Variants in TTC33 observed in about 807,000 individuals in gnomAD.
TTC33 encodes tetratricopeptide repeat domain 33.
In TTC33, 24 loss-of-function variants were observed where a neutral mutation model predicts 29.4. The observed-to-expected ratio is 0.82, with a 90% CI of 0.59 to 1.15. The LOEUF (loss-of-function observed/expected upper bound fraction) is 1.15, where lower values mean the gene tolerates loss of function less well. Among genes scored for constraint, TTC33 ranks in the 50% most tolerant of loss-of-function variants. The pLI, the probability that TTC33 is intolerant of heterozygous loss-of-function variation, is 0.00. For missense variants in TTC33, 286 were observed against 310.4 expected (o/e 0.92, Z 0.59); for synonymous variants, 107 against 100.3 (o/e 1.07, Z -0.40).
intron 4 of TTC33, among the ~76,000 whole-genome samples, chr5:40,722,739 AGCCCCTGCCCGGCCAGAC>A (rs1742172808): frequency 1.3e-5 from 2 of 149,744 alleles, no homozygotes; most frequent in Non-Finnish European, 3.0e-5. Context: ...GTGGCGGGGC[AGCCCCTGCCCGGCCAGAC>A]GCCCCGTCCC....
intron 1 of TTC33, among the ~76,000 whole-genome samples, chr5:40,750,848 ACTC>A (rs761497953): frequency 3.3e-5 from 5 of 152,112 alleles, no homozygotes; most frequent in Non-Finnish European, 7.4e-5. Context: ...CTAAGAAGCA[ACTC>A]CTCATCCTTT....
At chr5:40,728,036 C>G (rs553582042) in intron 4 of TTC33, among the ~76,000 whole-genome samples, 1 of 152,036 alleles carries the variant, frequency 6.6e-6, no homozygotes, top group South Asian at 2.1e-4. Flanking sequence ...AATCCCAGCA[C>G]TTTGGGAGGC....
chr5:40,714,780 T>G lies in TTC33; in HGVS notation c.*1365A>C, dbSNP rs1741966142. The G allele has an allele frequency of 6.6e-6, 1 of 152,208 alleles. No individual in the cohort carries two copies. Among genetic ancestry groups the G allele is most frequent in the South Asian group, 2.1e-4 (1 of 4,830 alleles). 9.4% of individuals were successfully genotyped at this position (152,208 alleles called of 1,614,324 possible). A position where few individuals can be genotyped will look rare whatever the true frequency, so the allele number is the denominator to read the frequency against. ...TAAAACAAAAGTTTTAAAAACCATC[T>G]TCATAAAAAATGTAGATCATTACTT... is the stretch of plus-strand genomic sequence containing the variant. On this transcript the variant is annotated 3_prime_UTR_variant, in exon 5 of 5. Transcript: ENST00000337702.
At chr5:40,717,262 A>C (rs748795136) in intron 4 of TTC33, among the ~76,000 whole-genome samples, 4 of 150,620 alleles carry the variant, frequency 2.7e-5, no homozygotes, top group Non-Finnish European at 4.4e-5. Flanking sequence ...TACATGTATT[A>C]ACTCATCTAT....
chr5:40,747,132 C>A, intron 1 of TTC33, 113 bp from the exon 2 acceptor site: 1 of 890,552 alleles, frequency 1.1e-6, no homozygotes, highest in Non-Finnish European at 1.7e-6. Flanking sequence ...GACCTCGGCT[C>A]ACCGTAACCT....
chr5:40,733,725 G>C (rs1742486446), intron 2 of TTC33, among the ~76,000 whole-genome samples: 2 of 152,138 alleles, frequency 1.3e-5, no homozygotes, highest in South Asian at 4.1e-4. Flanking sequence ...AATACCACTA[G>C]CACTACTGCT....
chr5:40,731,374 A>G (rs1742423843), intron 2 of TTC33, among the ~76,000 whole-genome samples: 1 of 152,040 alleles, frequency 6.6e-6, no homozygotes, highest in Admixed American at 6.6e-5. Flanking sequence ...ACATACACAC[A>G]CACACATCTG....
intron 4 of TTC33, among the ~76,000 whole-genome samples, chr5:40,720,614 G>C (rs1172064182): frequency 6.6e-6 from 1 of 152,214 alleles, no homozygotes; most frequent in African/African-American, 2.4e-5. Flanking sequence ...CAAGATGGCA[G>C]AGTGGGAAGC....
chr5:40,716,462 G>C lies in TTC33; in HGVS notation c.472C>G (p.Pro158Ala), dbSNP rs147344421. 3 of 1,612,150 alleles carry C rather than the reference G, an allele frequency of 1.9e-6. No individual in the cohort carries two copies. Among genetic ancestry groups the C allele is most frequent in the African/African-American group, 2.7e-5 (2 of 74,794 alleles). Reference protein sequence around the residue: ...RSFQVALHIYPMNPEIWKEDL... With the variant: ...RSFQVALHIYAMNPEIWKEDL... Reference sequence around the variant, plus strand: ...TCTTTCCATATTTCAGGGTTCATTGGATAGATGTGAAGGGCTACTTGAAAA... The same window carrying C: ...TCTTTCCATATTTCAGGGTTCATTGCATAGATGTGAAGGGCTACTTGAAAA... The change falls in exon 5 of 5, where the codon CCA (proline) becomes GCA (alanine). Residue 158 changes from proline to alanine, a missense_variant. Transcript: ENST00000337702.
intron 2 of TTC33, among the ~76,000 whole-genome samples, chr5:40,742,891 G>A (rs1210306544): frequency 6.6e-6 from 1 of 152,124 alleles, no homozygotes; most frequent in Non-Finnish European, 1.5e-5. Context: ...ATGGTAGCTA[G>A]CTTATAAAAA....
Position 40,712,196 on chromosome 5 carries a change from T to G in TTC33, c.*3949A>C, listed in dbSNP as rs139018013. On this transcript the variant is annotated 3_prime_UTR_variant, in exon 5 of 5. Transcript: ENST00000337702. The stretch of plus-strand genomic sequence containing the variant: ...TCACAATTCCAACTCAGCAGACCTT[T>G]TAAATATCCTGAACAAATGTTTACC... 6.6e-6 allele frequency among the ~76,000 whole-genome samples: 1 copy of G among 152,258 alleles called. No homozygotes were observed. The highest frequency in any genetic ancestry group is 1.9e-4 in the East Asian group (1 of 5,188).
chr5:40,716,165 C>A lies in TTC33; in HGVS notation c.769G>T (p.Val257Phe). Residue 257 changes from valine to phenylalanine, a missense_variant, in exon 5 of 5, where the codon GTT becomes TTT. Coordinates refer to ENST00000337702, the MANE Select transcript of TTC33 (RefSeq NM_012382.3). The stretch of plus-strand genomic sequence containing the variant: ...CTGCTTCATCGGGCTTTGATAAAAA[C>A]AGAGCCATCTGGTGGTGTAGCACCA... ...EDGATPPDGS[V>F]FIKAR 6.2e-7 allele frequency: 1 copy of A among 1,606,584 alleles called. No individual in the cohort carries two copies. The highest frequency in any genetic ancestry group is 8.5e-7 in the Non-Finnish European group (1 of 1,175,142).
At chr5:40,755,587 CG>C (rs1277155010) in intron 1 of TTC33, among the ~76,000 whole-genome samples, 2 of 152,218 alleles carry the variant, frequency 1.3e-5, no homozygotes, top group African/African-American at 4.8e-5. Context: ...CCCTCAGACT[CG>C]CTTGTCCCTG....
Position 40,713,280 on chromosome 5 carries a change from T to C in TTC33, c.*2865A>G, listed in dbSNP as rs1481479701. ...GATTCAAGGAAATTAAAAGAAATGA[T>C]TGTTAATTTTCTTAGTGCTGGGAAA... On this transcript the variant is annotated 3_prime_UTR_variant, in exon 5 of 5. Transcript: ENST00000337702. Among the ~76,000 whole-genome samples the C allele has an allele frequency of 6.6e-6, 1 of 152,118 alleles. No homozygotes were observed. The highest frequency in any genetic ancestry group is 6.6e-5 in the Admixed American group (1 of 15,258).
At chr5:40,740,502 C>G (rs1191162705) in intron 2 of TTC33, among the ~76,000 whole-genome samples, 1 of 152,076 alleles carries the variant, frequency 6.6e-6, no homozygotes, top group Non-Finnish European at 1.5e-5. Flanking sequence ...CTGACCTCAG[C>G]TTCTACACTC....
chr5:40,739,293 C>T (rs1579686528), intron 2 of TTC33, among the ~76,000 whole-genome samples: 1 of 152,196 alleles, frequency 6.6e-6, no homozygotes. Context: ...CAAACGCAAG[C>T]TTGCTGGGAT....
rs1741924092 is a variant in TTC33 at position 40,712,857 on chromosome 5, T to C, written c.*3288A>G. The stretch of plus-strand genomic sequence containing the variant: ...TCTGACCAAAGTAGTTCATATATAG[T>C]GCACATTAGGGCATGATTCATGTTA... On this transcript the variant is annotated 3_prime_UTR_variant, in exon 5 of 5. Coordinates refer to ENST00000337702, the MANE Select transcript of TTC33 (RefSeq NM_012382.3). Among the ~76,000 whole-genome samples the C allele has an allele frequency of 6.6e-6, 1 of 152,168 alleles. No individual in the cohort carries two copies. The highest frequency in any genetic ancestry group is 2.4e-5 in the African/African-American group (1 of 41,442).
Position 40,712,425 on chromosome 5 carries a change from A to T in TTC33, c.*3720T>A, listed in dbSNP as rs1172507349. On this transcript the variant is annotated 3_prime_UTR_variant, in exon 5 of 5. Coordinates refer to ENST00000337702, the MANE Select transcript of TTC33 (RefSeq NM_012382.3). The stretch of plus-strand genomic sequence containing the variant: ...CCTCTCCTGACCTCTGAACCACTTG[A>T]GACACAGACAGATGGAGATTCAATA... Among the ~76,000 whole-genome samples, 1 of 152,162 alleles carries T rather than the reference A, an allele frequency of 6.6e-6. No homozygotes were observed. The highest frequency in any genetic ancestry group is 1.5e-5 in the Non-Finnish European group (1 of 68,012).
intron 2 of TTC33, among the ~76,000 whole-genome samples, chr5:40,738,504 C>CAATACAATAA (rs1742611200): frequency 9.7e-6 from 1 of 102,674 alleles, no homozygotes; most frequent in East Asian, 2.8e-4. Context: ...CAATACAATA[C>CAATACAATAA]AATAAAATAC....
Sources: gnomAD v4.1 joint callset for allele counts (sites outside exome capture counted in the v4.1 genomes callset) on GRCh38, gnomAD v4.1.1 for gene constraint, MANE v1.5 for transcripts, NCBI Gene and HGNC (gene_info 2026-07-23, HGNC 2026-07-21) for gene names.